Variants in PHF8 observed in about 807,000 individuals in gnomAD.
The protein encoded by PHF8 is histone lysine demethylase PHF8.
A neutral mutation model predicts 74.4 loss-of-function variants in PHF8; 9 were observed. The observed-to-expected ratio is 0.12, with a 90% CI of 0.07 to 0.21. PHF8 has a LOEUF of 0.21. Ranked by LOEUF, PHF8 falls within the 10% of genes least tolerant of loss-of-function variation. The pLI, the probability that PHF8 is intolerant of heterozygous loss-of-function variation, is 1.00. For missense variants in PHF8, 478 were observed against 816.6 expected (o/e 0.59, Z 5.05); for synonymous variants, 311 against 316.6 (o/e 0.98, Z 0.19).
intron 20 of PHF8, among the ~76,000 whole-genome samples, chrX:53,943,586 T>G (rs1362518200): frequency 3.6e-5 from 4 of 111,849 alleles, no homozygotes; most frequent in African/African-American, 1.3e-4. Flanking sequence ...CTCCAAAGGC[T>G]CCTAAGCACA....
chrX:54,025,244 A>G (rs1259937399), intron 2 of PHF8, among the ~76,000 whole-genome samples: 1 of 111,318 alleles, frequency 9.0e-6, no homozygotes, highest in Non-Finnish European at 1.9e-5. Flanking sequence ...TATAGATTGG[A>G]AATTTTAAAA....
At chrX:54,040,285 A>G (rs2066530237) in intron 2 of PHF8, among the ~76,000 whole-genome samples, 1 of 110,936 alleles carries the variant, frequency 9.0e-6, no homozygotes, top group South Asian at 3.8e-4. Flanking sequence ...TTTCCCATAC[A>G]ATCCAAAGTA....
At chrX:53,948,980 G>A (rs1171364653) in intron 19 of PHF8, among the ~76,000 whole-genome samples, 5 of 110,068 alleles carry the variant, frequency 4.5e-5, no homozygotes, top group African/African-American at 1.7e-4. Context: ...AGCCAAGATC[G>A]TGCCATTGCA....
intron 18 of PHF8, among the ~76,000 whole-genome samples, chrX:53,963,430 T>C (rs1557091496): frequency 9.0e-6 from 1 of 111,659 alleles, no homozygotes; most frequent in East Asian, 2.8e-4. Context: ...TAAGGGAGCC[T>C]ACTAGCACAC....
At chrX:54,043,110 C>T (rs2066591990) in intron 1 of PHF8, 1 of 839,095 alleles carries the variant, frequency 1.2e-6, no homozygotes, top group Non-Finnish European at 1.5e-6. Flanking sequence ...CAAGAAAATA[C>T]CTGAAGCCTT....
intron 2 of PHF8, 143 bp downstream of exon 2, chrX:54,042,488 G>A (rs2066575884): frequency 1.9e-6 from 1 of 525,883 alleles, no homozygotes; most frequent in South Asian, 2.6e-5. Context: ...GCTAGGTCCT[G>A]TTCTGCAAGG....
intron 2 of PHF8, among the ~76,000 whole-genome samples, chrX:54,034,696 C>T (rs956525436): frequency 1.8e-5 from 2 of 109,867 alleles, no homozygotes; most frequent in Admixed American, 9.8e-5. Context: ...TGGTGGCGGG[C>T]GCCTGTAATT....
chrX:53,985,339 G>C (rs942109943), intron 17 of PHF8, 112 bp from the exon 18 acceptor site: 13 of 607,917 alleles, frequency 2.1e-5, no homozygotes, highest in Non-Finnish European at 3.4e-5. Context: ...CAAAGTGGGA[G>C]GAAAAAGGGG....
chrX:53,988,672 A>G (rs1365859550), intron 14 of PHF8, among the ~76,000 whole-genome samples: 2 of 97,684 alleles, frequency 2.0e-5, no homozygotes, highest in Admixed American at 2.3e-4. Flanking sequence ...CCCAGGCTGG[A>G]GTTCAATGGC....
chrX:53,971,003 A>G lies in PHF8; in HGVS notation c.2444-8064T>C, dbSNP rs1018966007. On this transcript the variant is annotated intron_variant, in intron 18 of 21. Transcript: ENST00000338154. ...GCTCTGGATCAAGTGGACCTGATAG[A>G]TATCTACAGAACCCTCCACCCAAAA... 3.6e-5 allele frequency among the ~76,000 whole-genome samples: 4 copies of G among 111,789 alleles called. No homozygotes were observed. The Admixed American group carries it at 3.8e-4, about 11-fold the overall frequency.
chrX:53,999,927 G>A lies in PHF8; in HGVS notation c.1176C>T (p.Tyr392=), dbSNP rs1168286766. The A allele has an allele frequency of 1.7e-6, 2 of 1,203,639 alleles. No homozygotes were observed. The highest frequency in any genetic ancestry group is 2.3e-6 in the Non-Finnish European group (2 of 888,284). Residue 392 remains tyrosine, a synonymous_variant, in exon 11 of 22, where the codon TAC becomes TAT. Transcript: ENST00000338154. The part of the protein sequence containing the change: ...LRENRRHPAS[Y]LVHGGKALNL... ...TCAAGGCTTTGCCACCATGGACCAG[G>A]TAGGAGGCAGGGTGTCTCCTGTTCT...
chrX:54,045,112 C>T, upstream of PHF8: 1 of 386,573 alleles, frequency 2.6e-6, no homozygotes, highest in South Asian at 5.3e-5. Flanking sequence ...CTGCCAACTC[C>T]ACAACTCCCT....
At chrX:53,995,671 T>C in intron 12 of PHF8, 22 bp downstream of exon 12, 1 of 1,094,551 alleles carries the variant, frequency 9.1e-7, no homozygotes, top group Non-Finnish European at 1.3e-6. Flanking sequence ...ATGCCTTTTC[T>C]TCCCTGCCCC....
intron 1 of PHF8, 58 bp from the exon 2 acceptor site, chrX:54,042,878 C>CA: frequency 1.3e-6 from 1 of 755,713 alleles, no homozygotes; most frequent in Non-Finnish European, 1.8e-6. Flanking sequence ...CACCCCCTTG[C>CA]ACCAACCCTC....
chrX:53,944,606 T>C (rs2064803375), intron 19 of PHF8: 1 of 178,405 alleles, frequency 5.6e-6, no homozygotes, highest in Non-Finnish European at 1.1e-5. Context: ...TAGTCCTAGC[T>C]ACTTGGGAGG....
At chrX:53,943,325 G>A (rs1557084104) in intron 20 of PHF8, 2 of 884,366 alleles carry the variant, frequency 2.3e-6, no homozygotes, top group East Asian at 6.9e-5. Flanking sequence ...GAAGTTAGAG[G>A]ATATGAGTTT....
At chrX:54,003,225 A>G (rs2065851110) in intron 8 of PHF8, among the ~76,000 whole-genome samples, 1 of 112,410 alleles carries the variant, frequency 8.9e-6, no homozygotes, top group Non-Finnish European at 1.9e-5. Flanking sequence ...ATTGATAAAT[A>G]TAAACCACAT....
Position 53,938,272 on chromosome X carries a change from G to A in PHF8, c.*886C>T. 1 of 1,034,472 alleles carries A rather than the reference G, an allele frequency of 9.7e-7. No homozygotes were observed. The highest frequency in any genetic ancestry group is 1.9e-5 in the African/African-American group (1 of 52,374). The allele number at this position is 1,034,472 out of a possible 1,213,427, so 85.3% of individuals were successfully genotyped here. On this transcript the variant is annotated 3_prime_UTR_variant, in exon 22 of 22. Coordinates refer to ENST00000338154, the MANE Select transcript of PHF8 (RefSeq NM_015107.3). ...AGGGTTATCTGCGTCATTGGCAGGTGCTTTCAGGTTTCTGGGAGATGGTTT... is the reference window on the plus strand; with the variant it reads ...AGGGTTATCTGCGTCATTGGCAGGTACTTTCAGGTTTCTGGGAGATGGTTT...
chrX:53,972,342 A>AG (rs1557094879), intron 18 of PHF8, among the ~76,000 whole-genome samples: 1 of 107,357 alleles, frequency 9.3e-6, no homozygotes, highest in African/African-American at 3.4e-5. Flanking sequence ...AAAAAAAAAA[A>AG]AAGAAAAAGA....
Sources: allele counts gnomAD v4.1 joint callset (sites outside exome capture counted in the v4.1 genomes callset), GRCh38; gene constraint gnomAD v4.1.1; transcripts MANE v1.5; gene names NCBI Gene and HGNC (gene_info 2026-07-23, HGNC 2026-07-21).